ROBO2: variants seen among roughly 807,000 people sequenced by gnomAD.
The protein encoded by ROBO2 is roundabout homolog 2.
A neutral mutation model predicts 160.8 loss-of-function variants in ROBO2; 53 were observed. The observed-to-expected ratio is 0.33, with a 90% CI of 0.26 to 0.41. ROBO2 has a LOEUF of 0.41. ROBO2 is among the 10% of genes least tolerant of loss of function. ROBO2 has a pLI of 1.00. For missense variants in ROBO2, 1,577 were observed against 1,722.4 expected, an observed-to-expected ratio of 0.92 and a Z score of 1.49; for synonymous variants, 664 against 611.7, an observed-to-expected ratio of 1.09 and a Z score of -1.26.
chr3:77,582,597 A>G (rs534313397), intron 16 of ROBO2, among the ~76,000 whole-genome samples: 2 of 152,152 alleles, frequency 1.3e-5, no homozygotes, highest in East Asian at 1.9e-4. Flanking sequence ...ATTATTAGGT[A>G]CACCTCATTT....
intron 2 of ROBO2, among the ~76,000 whole-genome samples, chr3:77,138,391 C>T (rs547837093): frequency 2.0e-5 from 3 of 152,090 alleles, no homozygotes; most frequent in East Asian, 3.9e-4. Context: ...ATTTTTTTCT[C>T]GATAGTAGTT....
chr3:76,015,798 G>A lies in ROBO2; in HGVS notation c.109+78196G>A, dbSNP rs114363369. Among the ~76,000 whole-genome samples the A allele has an allele frequency of 6.1e-3, 922 of 152,270 alleles. 16 individuals are homozygous for A. The highest frequency in any genetic ancestry group is 0.021 in the African/African-American group (862 of 41,558). On this transcript the variant is annotated intron_variant, in intron 2 of 26. Transcript: ENST00000487694. Reference sequence around the variant, plus strand: ...ATAATCAGAGAATAAAGATCTAGAAGATAACTTCCAACTAGAACAAGCCAT... The same window carrying A: ...ATAATCAGAGAATAAAGATCTAGAAAATAACTTCCAACTAGAACAAGCCAT...
At chr3:77,141,392 T>A (rs2150428726) in intron 2 of ROBO2, among the ~76,000 whole-genome samples, 1 of 152,288 alleles carries the variant, frequency 6.6e-6, no homozygotes, top group Admixed American at 6.5e-5. Context: ...GTCCCACTCT[T>A]GAAGACCATT....
At chr3:76,126,272 G>T (rs1257841512) in intron 2 of ROBO2, among the ~76,000 whole-genome samples, 1 of 152,068 alleles carries the variant, frequency 6.6e-6, no homozygotes, top group Admixed American at 6.6e-5. Flanking sequence ...AGACCAGTTT[G>T]CTTTTATTTT....
At chr3:76,095,174 CAGAG>C (rs1165646670) in intron 2 of ROBO2, among the ~76,000 whole-genome samples, 1 of 151,582 alleles carries the variant, frequency 6.6e-6, no homozygotes, top group Non-Finnish European at 1.5e-5. Flanking sequence ...ATATGGTGAA[CAGAG>C]AGAGAAAATC....
intron 2 of ROBO2, among the ~76,000 whole-genome samples, chr3:77,405,390 T>C (rs1175534690): frequency 6.6e-6 from 1 of 152,136 alleles, no homozygotes; most frequent in Non-Finnish European, 1.5e-5. Flanking sequence ...ATTACAGATG[T>C]ATTTGATTCA....
intron 2 of ROBO2, among the ~76,000 whole-genome samples, chr3:76,652,128 T>C (rs2091282152): frequency 6.6e-6 from 1 of 152,162 alleles, no homozygotes; most frequent in Non-Finnish European, 1.5e-5. Context: ...AAGACTATGC[T>C]CTCATTAGGA....
At chr3:77,177,563 AT>A (rs1174345907) in intron 2 of ROBO2, among the ~76,000 whole-genome samples, 4 of 147,972 alleles carry the variant, frequency 2.7e-5, no homozygotes, top group African/African-American at 7.9e-5. Context: ...GTTATACTAT[AT>A]TTTTTTATTT....
chr3:77,446,783 A>G (rs2080573051), intron 2 of ROBO2, among the ~76,000 whole-genome samples: 1 of 152,104 alleles, frequency 6.6e-6, no homozygotes, highest in South Asian at 2.1e-4. Context: ...TTAGTGAAAT[A>G]TAGTGGTGGA....
At chr3:76,252,075 C>T (rs907168736) in intron 2 of ROBO2, among the ~76,000 whole-genome samples, 3 of 152,022 alleles carry the variant, frequency 2.0e-5, no homozygotes, top group African/African-American at 7.2e-5. Context: ...CACAGGTAGA[C>T]ATTTGAGCAG....
intron 2 of ROBO2, among the ~76,000 whole-genome samples, chr3:76,800,728 G>A (rs1037729489): frequency 6.6e-6 from 1 of 152,180 alleles, no homozygotes; most frequent in Admixed American, 6.5e-5. Context: ...AATAACAAAT[G>A]CTGGTGGGGG....
intron 2 of ROBO2, among the ~76,000 whole-genome samples, chr3:76,796,764 C>T (rs951265581): frequency 4.0e-5 from 6 of 151,864 alleles, no homozygotes; most frequent in African/African-American, 1.5e-4. Context: ...AAAGATATTC[C>T]ATGCAAATGG....
intron 2 of ROBO2, among the ~76,000 whole-genome samples, chr3:76,077,923 G>C (rs542122565): frequency 6.6e-6 from 1 of 152,198 alleles, no homozygotes; most frequent in Admixed American, 6.5e-5. Flanking sequence ...TCCCCCTTTT[G>C]CCACCAAAAT....
intron 2 of ROBO2, among the ~76,000 whole-genome samples, chr3:77,449,710 A>G (rs564320578): frequency 1.3e-5 from 2 of 152,212 alleles, no homozygotes; most frequent in South Asian, 4.1e-4. Flanking sequence ...GGTGTGCTTT[A>G]TATGACTTCC....
chr3:76,600,682 G>A lies in ROBO2; in HGVS notation c.110-497332G>A, dbSNP rs531732050. Among the ~76,000 whole-genome samples the A allele has an allele frequency of 5.3e-5, 8 of 152,230 alleles. No homozygotes were observed. In the East Asian group the frequency reaches 1.6e-3, roughly 30 times the overall value. ...TCACCTCCCACTGGATTCCTCCCAC[G>A]ACACGTGGGAATTGTGGGAGTTACA... is the stretch of plus-strand genomic sequence containing the variant. On this transcript the variant is annotated intron_variant, in intron 2 of 26. Transcript: ENST00000487694.
At chr3:76,119,593 T>G (rs1379744396) in intron 2 of ROBO2, among the ~76,000 whole-genome samples, 1 of 151,938 alleles carries the variant, frequency 6.6e-6, no homozygotes, top group Non-Finnish European at 1.5e-5. Context: ...GTACTTTTTC[T>G]TATACTTCTA....
At chr3:76,354,514 G>A (rs187097366) in intron 2 of ROBO2, among the ~76,000 whole-genome samples, 31 of 151,680 alleles carry the variant, frequency 2.0e-4, no homozygotes, top group Non-Finnish European at 4.1e-4. Context: ...TGATTACTTA[G>A]AGCCCTCACT....
At chr3:75,995,107 C>T (rs138055791) in intron 2 of ROBO2, among the ~76,000 whole-genome samples, 87 of 152,270 alleles carry the variant, frequency 5.7e-4, no homozygotes, top group African/African-American at 2.0e-3. Context: ...AAAACATTTT[C>T]TGGGGAGAAA....
At chr3:76,485,423 G>A (rs931908297) in intron 2 of ROBO2, among the ~76,000 whole-genome samples, 4 of 152,146 alleles carry the variant, frequency 2.6e-5, no homozygotes, top group African/African-American at 9.7e-5. Flanking sequence ...GGGAGAGGCT[G>A]TAAATTCAGA....
Sources: gnomAD v4.1 joint callset for allele counts (sites outside exome capture counted in the v4.1 genomes callset) on GRCh38, gnomAD v4.1.1 for gene constraint, MANE v1.5 for transcripts, NCBI Gene and HGNC (gene_info 2026-07-23, HGNC 2026-07-21) for gene names.